Variants in SLC35F3 observed in about 807,000 individuals in gnomAD.
SLC35F3 encodes the protein putative thiamine transporter SLC35F3.
Under a neutral mutation model 49.9 loss-of-function variants are expected in SLC35F3, and 25 were observed. That is an observed-to-expected ratio of 0.50 (90% CI 0.37 to 0.70). SLC35F3 has a LOEUF of 0.70. Ranked by LOEUF, SLC35F3 falls within the 30% of genes least tolerant of loss-of-function variation. The probability of loss-of-function intolerance (pLI) is 0.00; values close to 1 mark genes in which losing one functional copy is unlikely to be tolerated. For synonymous variants in SLC35F3, 275 were observed against 265.4 expected, an observed-to-expected ratio of 1.04 and a Z score of -0.35; for missense variants, 525 against 639.8, an observed-to-expected ratio of 0.82 and a Z score of 1.94.
intron 2 of SLC35F3, among the ~76,000 whole-genome samples, chr1:234,098,267 G>T (rs1210994795): frequency 1.3e-5 from 2 of 151,084 alleles, no homozygotes; most frequent in Admixed American, 6.6e-5. Context: ...TGTGTTGGTG[G>T]TGGTGGTGGT....
chr1:234,264,672 G>C (rs1312766413), intron 3 of SLC35F3, among the ~76,000 whole-genome samples: 4 of 152,150 alleles, frequency 2.6e-5, no homozygotes, highest in Non-Finnish European at 5.9e-5. Context: ...TCCAACATCA[G>C]CTTCCTGAGT....
chr1:234,112,952 C>T (rs34163576), intron 2 of SLC35F3, among the ~76,000 whole-genome samples: 6,889 of 151,434 alleles, frequency 0.045, 210 homozygotes, highest in Non-Finnish European at 0.067. Context: ...TGCCTGTAGT[C>T]CCAGCTACTC....
chr1:234,014,016 A>G (rs1221784174), intron 2 of SLC35F3, among the ~76,000 whole-genome samples: 1 of 152,196 alleles, frequency 6.6e-6, no homozygotes, highest in South Asian at 2.1e-4. Flanking sequence ...CCTGATACCA[A>G]AGCCAGACAA....
chr1:233,947,447 A>G (rs1662530004), intron 2 of SLC35F3, among the ~76,000 whole-genome samples: 1 of 150,718 alleles, frequency 6.6e-6, no homozygotes, highest in Admixed American at 6.6e-5. Context: ...AGTGGGCATT[A>G]TCAAAGTTTG....
chr1:234,159,167 A>T (rs180822630), intron 2 of SLC35F3, among the ~76,000 whole-genome samples: 1 of 152,292 alleles, frequency 6.6e-6, no homozygotes, highest in East Asian at 1.9e-4. Flanking sequence ...CATGTTTAAG[A>T]TGAACATTTA....
At chr1:234,003,854 T>C (rs1572016068) in intron 2 of SLC35F3, among the ~76,000 whole-genome samples, 2 of 152,156 alleles carry the variant, frequency 1.3e-5, no homozygotes, top group South Asian at 4.1e-4. Context: ...TAAATGATGC[T>C]CAGCCTTACC....
intron 2 of SLC35F3, among the ~76,000 whole-genome samples, chr1:233,978,292 C>A (rs947732489): frequency 2.0e-5 from 3 of 152,234 alleles, no homozygotes; most frequent in African/African-American, 7.2e-5. Flanking sequence ...TCATGCCACA[C>A]TGAGGTTGTA....
chr1:234,120,916 G>GT (rs1210263614), intron 2 of SLC35F3, among the ~76,000 whole-genome samples: 2 of 152,098 alleles, frequency 1.3e-5, no homozygotes, highest in Non-Finnish European at 2.9e-5. Flanking sequence ...GCCTTGAAAT[G>GT]TTTTTTATGT....
intron 2 of SLC35F3, among the ~76,000 whole-genome samples, chr1:233,928,159 A>G (rs1279227514): frequency 6.6e-6 from 1 of 152,154 alleles, no homozygotes; most frequent in African/African-American, 2.4e-5. Flanking sequence ...CCAGCAATAA[A>G]CAATGGGCAG....
rs576350907 is a variant in SLC35F3 at position 234,061,198 on chromosome 1, C to T, written c.283+155440C>T. Among the ~76,000 whole-genome samples, 47 of 151,866 alleles carry T rather than the reference C, an allele frequency of 3.1e-4. No homozygotes were observed. The East Asian group carries it at 7.0e-3, about 23-fold the overall frequency. ...TTTTGTTTATCTCAAGGCGTCTTTTCTTTTCTTTTTTGTCATGATTTTTTT... is the reference window on the plus strand; with the variant it reads ...TTTTGTTTATCTCAAGGCGTCTTTTTTTTTCTTTTTTGTCATGATTTTTTT... On this transcript the variant is annotated intron_variant, in intron 2 of 7. Coordinates refer to ENST00000366618, the MANE Select transcript of SLC35F3 (RefSeq NM_173508.4).
In SLC35F3 at chr1:234,302,719, G is replaced by T. The variant is rs548699297; in HGVS notation, c.609-6382G>T. On this transcript the variant is annotated intron_variant, in intron 3 of 7. Transcript: ENST00000366618. ...TGTTTGAACTTGAGTGGGTCTTTTC[G>T]TCTGTCTGGGCTGTGGCATCCTTCA... is the stretch of plus-strand genomic sequence containing the variant. Among the ~76,000 whole-genome samples, 20 of 152,198 alleles carry T rather than the reference G, an allele frequency of 1.3e-4. No individual in the cohort carries two copies. The South Asian group carries it at 4.2e-3, about 32-fold the overall frequency.
chr1:234,178,681 A>C (rs1003694111), intron 2 of SLC35F3, among the ~76,000 whole-genome samples: 1 of 151,210 alleles, frequency 6.6e-6, no homozygotes, highest in Non-Finnish European at 1.5e-5. Flanking sequence ...GATGATGTAC[A>C]TTCTGTGGAT....
intron 7 of SLC35F3, among the ~76,000 whole-genome samples, chr1:234,321,045 C>T (rs1323190930): frequency 1.4e-5 from 2 of 141,686 alleles, no homozygotes; most frequent in African/African-American, 2.5e-5. Flanking sequence ...TTGCCCCCCC[C>T]CCACCCCAAA....
intron 2 of SLC35F3, among the ~76,000 whole-genome samples, chr1:233,974,865 G>A: frequency 6.6e-6 from 1 of 152,252 alleles, no homozygotes; most frequent in East Asian, 1.9e-4. Flanking sequence ...AGATCATAAT[G>A]TTGGAGGGAA....
chr1:234,302,760 C>A (rs1668712791), intron 3 of SLC35F3, among the ~76,000 whole-genome samples: 1 of 152,064 alleles, frequency 6.6e-6, no homozygotes. Context: ...AATTGCAGGG[C>A]TTCTCTCTCT....
intron 3 of SLC35F3, among the ~76,000 whole-genome samples, chr1:234,241,027 T>C (rs916640845): frequency 6.6e-6 from 1 of 152,262 alleles, no homozygotes; most frequent in Non-Finnish European, 1.5e-5. Context: ...TTGATGCTTT[T>C]TATTTTTCTA....
chr1:234,146,481 CT>C (rs869146212), intron 2 of SLC35F3, among the ~76,000 whole-genome samples: 3,931 of 73,810 alleles, frequency 0.053, 43 homozygotes, highest in African/African-American at 0.12. Flanking sequence ...GATATTTGCT[CT>C]TTTTTTTTTT....
chr1:234,108,068 G>A (rs1299162164), intron 2 of SLC35F3, among the ~76,000 whole-genome samples: 1 of 151,016 alleles, frequency 6.6e-6, no homozygotes, highest in African/African-American at 2.4e-5. Context: ...CACTGCTTAA[G>A]TGCTAGCATT....
chr1:234,231,512 T>A lies in SLC35F3; in HGVS notation c.379T>A (p.Cys127Ser). The A allele has an allele frequency of 6.2e-7, 1 of 1,613,780 alleles. No homozygotes were observed. Among genetic ancestry groups the A allele is most frequent in the South Asian group, 1.1e-5 (1 of 91,066 alleles). ...GAGAGCGAGTCGCCGCTGCTGGACG[T>A]GCTCCCGGGCGCAACTCAAGAAGAT... ...GGRASRRCWT[C>S]SRAQLKKIFW... The change falls in exon 3 of 8, where the codon TGC (cysteine) becomes AGC (serine). Residue 127 changes from cysteine (C) to serine (S), a missense_variant. By Grantham distance (112) the Cys-to-Ser change is moderately radical (BLOSUM62 -1). Transcript: ENST00000366618. This position sits in a 1 kb window ranked among gnomAD's most constrained non-coding sequence, Gnocchi z 5.4.
Sources: allele counts gnomAD v4.1 joint callset (sites outside exome capture counted in the v4.1 genomes callset), GRCh38; gene constraint gnomAD v4.1.1; non-coding constraint Gnocchi (gnomAD v3.1); transcripts MANE v1.5; gene names NCBI Gene and HGNC (gene_info 2026-07-23, HGNC 2026-07-21).